Variants in EPB41L4A observed in about 807,000 individuals in gnomAD.
The protein encoded by EPB41L4A is band 4.1-like protein 4A.
EPB41L4A carries 100 observed loss-of-function variants against 108.6 expected under a neutral mutation model. The ratio of observed to expected loss-of-function variants is 0.92; its 90% CI spans 0.78 to 1.09. The LOEUF (loss-of-function observed/expected upper bound fraction) is 1.09. Ranked by LOEUF, EPB41L4A falls within the 50% of genes least tolerant of loss-of-function variation. The probability of loss-of-function intolerance (pLI) is 0.00; values close to 1 mark genes in which losing one functional copy is unlikely to be tolerated. For missense variants in EPB41L4A, 1,030 were observed against 842.7 expected (o/e 1.22, Z -2.75); for synonymous variants, 319 against 289.0 (o/e 1.10, Z -1.05).
intron 1 of EPB41L4A, among the ~76,000 whole-genome samples, chr5:112,372,316 A>C (rs1759544386): frequency 6.6e-6 from 1 of 152,186 alleles, no homozygotes; most frequent in Non-Finnish European, 1.5e-5. Context: ...AAACTCACTC[A>C]TTATCATGAG....
intron 1 of EPB41L4A, among the ~76,000 whole-genome samples, chr5:112,364,122 G>T (rs944130073): frequency 1.3e-5 from 2 of 152,140 alleles, no homozygotes; most frequent in Non-Finnish European, 2.9e-5. Flanking sequence ...CTGCCTCCTG[G>T]GTTAAGCAAT....
chr5:112,147,213 G>A (rs767713167), intron 12 of EPB41L4A, among the ~76,000 whole-genome samples: 2 of 152,212 alleles, frequency 1.3e-5, no homozygotes, highest in Non-Finnish European at 2.9e-5. Flanking sequence ...TCATTGACAA[G>A]TCAGCACTTC....
At chr5:112,210,845 C>T (rs1325066774) in intron 12 of EPB41L4A, among the ~76,000 whole-genome samples, 1 of 151,888 alleles carries the variant, frequency 6.6e-6, no homozygotes, top group Admixed American at 6.6e-5. Flanking sequence ...AGGCCCTGTT[C>T]AATTAGGTCT....
At chr5:112,266,505 G>C (rs1751871382) in intron 4 of EPB41L4A, among the ~76,000 whole-genome samples, 175 bp from the exon 5 acceptor site, 1 of 152,156 alleles carries the variant, frequency 6.6e-6, no homozygotes, top group East Asian at 1.9e-4. Flanking sequence ...ATACCTTACA[G>C]AGGCAATACA....
At chr5:112,204,794 T>C (rs1762392756) in intron 14 of EPB41L4A, 1 of 247,684 alleles carries the variant, frequency 4.0e-6, no homozygotes, top group South Asian at 7.8e-5. Flanking sequence ...TTCTAAACAC[T>C]GACTCAGCTA....
intron 1 of EPB41L4A, among the ~76,000 whole-genome samples, chr5:112,387,062 C>G (rs780817110): frequency 6.6e-6 from 1 of 152,204 alleles, no homozygotes; most frequent in African/African-American, 2.4e-5. Context: ...GTGAAGCTCT[C>G]TGAATCTGGG....
At chr5:112,258,882 C>T (rs942375131) in intron 9 of EPB41L4A, among the ~76,000 whole-genome samples, 1 of 152,166 alleles carries the variant, frequency 6.6e-6, no homozygotes, top group African/African-American at 2.4e-5. Flanking sequence ...TTTGGCAGTC[C>T]TGAATGCAGG....
At chr5:112,399,941 C>T (rs1240021369) in intron 1 of EPB41L4A, among the ~76,000 whole-genome samples, 1 of 152,194 alleles carries the variant, frequency 6.6e-6, no homozygotes, top group Non-Finnish European at 1.5e-5. Context: ...ATCACACTAC[C>T]AGCCCTAGAT....
chr5:112,214,672 A>T (rs1747483779), intron 12 of EPB41L4A, among the ~76,000 whole-genome samples: 1 of 152,192 alleles, frequency 6.6e-6, no homozygotes, highest in South Asian at 2.1e-4. Flanking sequence ...AGGCTGAGGC[A>T]GAAGAATGAC....
chr5:112,199,444 G>T (rs985429314), intron 15 of EPB41L4A, among the ~76,000 whole-genome samples: 4 of 152,144 alleles, frequency 2.6e-5, no homozygotes, highest in African/African-American at 9.7e-5. Flanking sequence ...TAAGCCAAAT[G>T]CTGGAGCTTC....
At chr5:112,408,588 G>A (rs949906242) in intron 1 of EPB41L4A, among the ~76,000 whole-genome samples, 2 of 148,144 alleles carry the variant, frequency 1.4e-5, no homozygotes, top group African/African-American at 5.0e-5. Context: ...GCCAGGTGCA[G>A]TGGCTCATGC....
intron 9 of EPB41L4A, among the ~76,000 whole-genome samples, chr5:112,255,834 A>G (rs1484327027): frequency 6.6e-6 from 1 of 152,136 alleles, no homozygotes; most frequent in African/African-American, 2.4e-5. Context: ...TTAGATGTCT[A>G]AAGGACATCT....
intron 1 of EPB41L4A, among the ~76,000 whole-genome samples, chr5:112,401,969 C>G (rs1761784449): frequency 6.6e-6 from 1 of 152,136 alleles, no homozygotes; most frequent in African/African-American, 2.4e-5. Flanking sequence ...ACTCTGTAAC[C>G]CCAACACGTT....
intron 4 of EPB41L4A, among the ~76,000 whole-genome samples, chr5:112,275,056 T>C (rs1163927754): frequency 6.6e-6 from 1 of 152,230 alleles, no homozygotes; most frequent in Non-Finnish European, 1.5e-5. Flanking sequence ...GAATGCATGC[T>C]TAACAATAAT....
chr5:112,393,410 C>A (rs1316077339), intron 1 of EPB41L4A, among the ~76,000 whole-genome samples: 3 of 151,906 alleles, frequency 2.0e-5, no homozygotes, highest in East Asian at 3.9e-4. Context: ...AAAGGGGATA[C>A]CACCACCGAT....
chr5:112,155,010 A>G (rs1187540448), intron 12 of EPB41L4A, among the ~76,000 whole-genome samples: 1 of 152,176 alleles, frequency 6.6e-6, no homozygotes, highest in Non-Finnish European at 1.5e-5. Context: ...CCAAAGAACT[A>G]GAACACCTGA....
In EPB41L4A at chr5:112,240,648, A is replaced by G. The variant is rs1403664661; in HGVS notation, c.887+71T>C. The G allele has an allele frequency of 3.5e-6, 3 of 853,298 alleles. No homozygotes were observed. In the Admixed American group the frequency reaches 8.8e-5, roughly 25 times the overall value. 52.9% of individuals were successfully genotyped at this position (853,298 alleles called of 1,614,324 possible). ...AATTCCAAATTTCTGTTTTAGACAG[A>G]ATTCTTTTTATAAAAATAAATGCCA... is the stretch of plus-strand genomic sequence containing the variant. On this transcript the variant is annotated intron_variant, in intron 10 of 22. Coordinates refer to ENST00000261486, the MANE Select transcript of EPB41L4A (RefSeq NM_022140.5).
intron 1 of EPB41L4A, among the ~76,000 whole-genome samples, chr5:112,313,989 A>G (rs2150598280): frequency 6.7e-6 from 1 of 149,898 alleles, no homozygotes; most frequent in Non-Finnish European, 1.5e-5. Flanking sequence ...TCAGCCTCCG[A>G]AGTAGCTGGG....
intron 18 of EPB41L4A, among the ~76,000 whole-genome samples, chr5:112,176,629 C>G (rs547579120): frequency 6.6e-6 from 1 of 152,140 alleles, no homozygotes; most frequent in African/African-American, 2.4e-5. Flanking sequence ...CATTTCACCA[C>G]CACCATCTTT....
Sources: gnomAD v4.1 joint callset for allele counts (sites outside exome capture counted in the v4.1 genomes callset) on GRCh38, gnomAD v4.1.1 for gene constraint, MANE v1.5 for transcripts, NCBI Gene and HGNC (gene_info 2026-07-23, HGNC 2026-07-21) for gene names.